Variants in FRMD4A observed in about 807,000 individuals in gnomAD.
FRMD4A encodes the protein FERM domain containing 4A.
Under a neutral mutation model 129.1 loss-of-function variants are expected in FRMD4A, and 29 were observed. That is an observed-to-expected ratio of 0.22 (90% CI 0.17 to 0.31). The LOEUF (loss-of-function observed/expected upper bound fraction) is 0.31. Among genes scored for constraint, FRMD4A ranks in the 10% least tolerant of loss-of-function variants. The probability of loss-of-function intolerance (pLI) is 1.00; values close to 1 mark genes in which losing one functional copy is unlikely to be tolerated. For synonymous variants in FRMD4A, 634 were observed against 571.6 expected (o/e 1.11, Z -1.56); for missense variants, 1,272 against 1,375.8 (o/e 0.92, Z 1.19).
chr10:14,106,252 G>A (rs1365117566), intron 2 of FRMD4A, among the ~76,000 whole-genome samples: 1 of 152,056 alleles, frequency 6.6e-6, no homozygotes, highest in African/African-American at 2.4e-5. Flanking sequence ...CCTAATTTGG[G>A]ATCAAATTGT....
chr10:13,787,651 G>A (rs1359409261), intron 5 of FRMD4A, among the ~76,000 whole-genome samples: 2 of 151,932 alleles, frequency 1.3e-5, no homozygotes, highest in African/African-American at 4.8e-5. Context: ...TCGAGATGGG[G>A]TCTCACTATG....
intron 2 of FRMD4A, among the ~76,000 whole-genome samples, chr10:14,101,386 C>G (rs1837291802): frequency 1.3e-5 from 2 of 152,136 alleles, no homozygotes; most frequent in Non-Finnish European, 2.9e-5. Flanking sequence ...CGGGGTTAGT[C>G]TTACGAGTAG....
intron 2 of FRMD4A, among the ~76,000 whole-genome samples, chr10:14,310,522 GA>G (rs1249634758): frequency 6.6e-6 from 1 of 152,178 alleles, no homozygotes; most frequent in South Asian, 2.1e-4. Context: ...GTGCCAATAG[GA>G]AAAAGGCTAC....
chr10:14,126,169 CT>C lies in FRMD4A; in HGVS notation c.45+203888del, dbSNP rs55649566. Among the ~76,000 whole-genome samples, 1,135 of 122,336 alleles carry C rather than the reference CT, an allele frequency of 9.3e-3. 6 individuals are homozygous for C. Among genetic ancestry groups the C allele is most frequent in the Admixed American group, 0.014 (157 of 11,332 alleles). 80.3% of individuals were successfully genotyped at this position (122,336 alleles called of 152,430 possible). On this transcript the variant is annotated intron_variant, in intron 2 of 24. Transcript: ENST00000357447. ...CTCACCCATCACAAAACCTTGCCCA[CT>C]TTTTTTTTTTTTTTTTTTGAGATGG...
intron 8 of FRMD4A, among the ~76,000 whole-genome samples, chr10:13,756,751 G>T (rs903218971): frequency 6.6e-6 from 1 of 152,158 alleles, no homozygotes; most frequent in African/African-American, 2.4e-5. Context: ...CAAAATCAGG[G>T]TAAGGAGATT....
intron 2 of FRMD4A, among the ~76,000 whole-genome samples, chr10:14,124,347 C>A (rs1838708042): frequency 6.6e-6 from 1 of 152,182 alleles, no homozygotes; most frequent in Non-Finnish European, 1.5e-5. Flanking sequence ...CCTGCTATTA[C>A]CCCCATTTCA....
At chr10:13,647,529 A>G (rs766971629) in intron 24 of FRMD4A, 6 of 152,176 alleles carry the variant, frequency 3.9e-5, no homozygotes, top group Non-Finnish European at 8.8e-5. Flanking sequence ...AGATGTCACT[A>G]GGAAATTTTT....
intron 2 of FRMD4A, among the ~76,000 whole-genome samples, chr10:14,113,751 T>C (rs1319481297): frequency 2.6e-5 from 4 of 152,218 alleles, no homozygotes; most frequent in Non-Finnish European, 1.5e-5. Context: ...TGTAAAGCCC[T>C]ATTTGGAAAT....
intron 21 of FRMD4A, among the ~76,000 whole-genome samples, chr10:13,657,788 GTTTT>G (rs10695622): frequency 2.8e-5 from 4 of 143,304 alleles, no homozygotes; most frequent in Non-Finnish European, 4.5e-5. Flanking sequence ...CGATTTCTGG[GTTTT>G]TTTTTTTTTT....
At chr10:13,787,851 G>C (rs2092906922) in intron 5 of FRMD4A, among the ~76,000 whole-genome samples, 1 of 147,908 alleles carries the variant, frequency 6.8e-6, no homozygotes, top group Non-Finnish European at 1.5e-5. Context: ...GGAGGCCGAG[G>C]CAGGCAGATC....
intron 2 of FRMD4A, among the ~76,000 whole-genome samples, chr10:13,977,554 G>C (rs1349027021): frequency 6.6e-6 from 1 of 152,128 alleles, no homozygotes. Flanking sequence ...CAATTCAGTG[G>C]TTTCTTAGTT....
intron 2 of FRMD4A, among the ~76,000 whole-genome samples, chr10:14,166,160 G>A (rs1428300792): frequency 6.7e-6 from 1 of 150,188 alleles, no homozygotes; most frequent in Non-Finnish European, 1.5e-5. Flanking sequence ...CAATGCCAAT[G>A]TTATATAAAT....
At chr10:14,231,625 C>T (rs1452944534) in intron 2 of FRMD4A, among the ~76,000 whole-genome samples, 5 of 152,156 alleles carry the variant, frequency 3.3e-5, no homozygotes, top group African/African-American at 9.7e-5. Context: ...GGATTACAGG[C>T]GTGAGCCACT....
intron 2 of FRMD4A, among the ~76,000 whole-genome samples, chr10:14,191,804 TTTC>T (rs779161407): frequency 0.037 from 4,309 of 115,118 alleles, 97 homozygotes; most frequent in Non-Finnish European, 0.068. Flanking sequence ...GTTTTTTTTT[TTTC>T]TCTCTCTCTC....
chr10:14,139,478 C>G (rs2131839658), intron 2 of FRMD4A, among the ~76,000 whole-genome samples: 1 of 151,508 alleles, frequency 6.6e-6, no homozygotes. Flanking sequence ...GAGACAGGGT[C>G]TCACTCTGTC....
intron 2 of FRMD4A, among the ~76,000 whole-genome samples, chr10:13,943,978 G>A (rs2095313336): frequency 6.6e-6 from 1 of 152,118 alleles, no homozygotes; most frequent in South Asian, 2.1e-4. Flanking sequence ...ATCAGTAAGG[G>A]CACTCGATAT....
At chr10:14,191,884 G>A (rs1465375554) in intron 2 of FRMD4A, among the ~76,000 whole-genome samples, 1 of 147,432 alleles carries the variant, frequency 6.8e-6, no homozygotes, top group Non-Finnish European at 1.5e-5. Context: ...TTTCCTAGAT[G>A]TTTCTTCATT....
At chr10:13,931,983 C>A (rs1176854527) in intron 2 of FRMD4A, among the ~76,000 whole-genome samples, 2 of 151,902 alleles carry the variant, frequency 1.3e-5, no homozygotes, top group Non-Finnish European at 2.9e-5. Context: ...ACCAACAAAC[C>A]AACCAACCAA....
Position 14,210,820 on chromosome 10 carries a change from A to T in FRMD4A, c.45+119238T>A, listed in dbSNP as rs775648364. ...TTGGCTCACTGCAACCTCTGTCTCC[A>T]GGGTTCATGTGATTCTTCTGCCTCA... On this transcript the variant is annotated intron_variant, in intron 2 of 24. Coordinates refer to ENST00000357447, the MANE Select transcript of FRMD4A (RefSeq NM_018027.5). 1.6e-4 allele frequency among the ~76,000 whole-genome samples: 24 copies of T among 152,142 alleles called. 1 individual carries two copies. The highest frequency in any genetic ancestry group is 3.2e-4 in the Non-Finnish European group (22 of 68,012).
Sources: allele counts gnomAD v4.1 joint callset (sites outside exome capture counted in the v4.1 genomes callset), GRCh38; gene constraint gnomAD v4.1.1; transcripts MANE v1.5; gene names NCBI Gene and HGNC (gene_info 2026-07-23, HGNC 2026-07-21).